NHSL3: variants seen among roughly 807,000 people sequenced by gnomAD.
NHSL3 encodes the protein NHS like 3, also known as NHS-like protein 3.
At chr1:32,743,145 G>T in the NHSL3 span, among the ~76,000 whole-genome samples, 1 of 152,142 alleles carries the variant, frequency 6.6e-6, no homozygotes. Flanking sequence ...CAAGAGGGTG[G>T]AGCTCCCTTG....
the NHSL3 span, among the ~76,000 whole-genome samples, chr1:32,768,489 A>G: frequency 6.6e-6 from 1 of 152,214 alleles, no homozygotes; most frequent in Admixed American, 6.5e-5. Context: ...CAGCTGCTTG[A>G]GAGGCTGAGG....
the NHSL3 span, among the ~76,000 whole-genome samples, chr1:32,753,789 C>T: frequency 6.6e-6 from 1 of 152,214 alleles, no homozygotes; most frequent in Non-Finnish European, 1.5e-5. Context: ...GTGGGCAACC[C>T]GCCTGCCCCA....
the NHSL3 span, among the ~76,000 whole-genome samples, chr1:32,755,342 T>C: frequency 6.6e-6 from 1 of 152,158 alleles, no homozygotes; most frequent in Admixed American, 6.5e-5. Flanking sequence ...GGCCCTGCTG[T>C]GGTGGGAGAA....
chr1:32,772,900 TCACTGG>T, the NHSL3 span: 2 of 1,613,742 alleles, frequency 1.2e-6, no homozygotes, highest in African/African-American at 1.3e-5. Context: ...ACCAGGCACC[TCACTGG>T]CACTGCTGAC....
chr1:32,773,076 T>G, the NHSL3 span: 2 of 617,810 alleles, frequency 3.2e-6, no homozygotes, highest in Non-Finnish European at 5.8e-6. Flanking sequence ...CATCCTGCGC[T>G]CATGCCTTTT....
At chr1:32,768,658 C>T in the NHSL3 span, 27 of 1,614,106 alleles carry the variant, frequency 1.7e-5, no homozygotes, top group East Asian at 1.8e-4. Context: ...ATAGTCCTCC[C>T]GGACGGGGCC....
the NHSL3 span, among the ~76,000 whole-genome samples, chr1:32,759,417 G>A: frequency 6.6e-6 from 1 of 152,200 alleles, no homozygotes; most frequent in Admixed American, 6.5e-5. Context: ...TTGCGCCTTG[G>A]CTGAAAGGGA....
At chr1:32,759,633 T>C in the NHSL3 span, among the ~76,000 whole-genome samples, 3 of 152,096 alleles carry the variant, frequency 2.0e-5, no homozygotes, top group Admixed American at 6.5e-5. Flanking sequence ...CCTGCTGGGG[T>C]GGGGCTGGAC....
chr1:32,772,033 C>A, the NHSL3 span: 1 of 1,604,912 alleles, frequency 6.2e-7, no homozygotes, highest in Admixed American at 1.7e-5. Flanking sequence ...AAGTGCTCAG[C>A]CCAACGGACC....
At chr1:32,771,663 GC>G in the NHSL3 span, 4 of 1,611,438 alleles carry the variant, frequency 2.5e-6, no homozygotes, top group Non-Finnish European at 2.5e-6. Flanking sequence ...TGCAGATTCA[GC>G]CCCCGGGTAG....
the NHSL3 span, among the ~76,000 whole-genome samples, chr1:32,766,845 C>T: frequency 4.6e-5 from 7 of 152,132 alleles, no homozygotes; most frequent in South Asian, 2.1e-4. Context: ...CCTCCACAGG[C>T]GGGGCTTGTA....
At chr1:32,762,747 G>A in the NHSL3 span, among the ~76,000 whole-genome samples, 2 of 151,986 alleles carry the variant, frequency 1.3e-5, no homozygotes, top group East Asian at 1.9e-4. Flanking sequence ...CCGCCACCGC[G>A]CCTTGCTAAT....
chr1:32,758,160 G>C, the NHSL3 span, among the ~76,000 whole-genome samples: 1 of 152,146 alleles, frequency 6.6e-6, no homozygotes, highest in Non-Finnish European at 1.5e-5. Flanking sequence ...TTGGCACTCA[G>C]GGATCCACCC....
chr1:32,772,104 C>G, the NHSL3 span: 1 of 1,613,296 alleles, frequency 6.2e-7, no homozygotes, highest in Non-Finnish European at 8.5e-7. Flanking sequence ...TCATCTTCTC[C>G]AAGGGCTCTA....
chr1:32,773,141 C>T, the NHSL3 span: 1 of 553,052 alleles, frequency 1.8e-6, no homozygotes, highest in Non-Finnish European at 3.2e-6. Context: ...TTAGCCTCAT[C>T]TTGAAGTGGG....
the NHSL3 span, chr1:32,771,232 C>T: frequency 1.2e-6 from 2 of 1,613,170 alleles, no homozygotes; most frequent in East Asian, 2.2e-5. Context: ...CCCAGCTGCC[C>T]CTGCTCTAGC....
At chr1:32,770,104 T>C in the NHSL3 span, 2 of 1,556,942 alleles carry the variant, frequency 1.3e-6, no homozygotes, top group Middle Eastern at 1.7e-4. The surrounding 1 kb of genome is among the most constrained non-coding windows in gnomAD (Gnocchi z 8.3). Flanking sequence ...TGTTGGCCGG[T>C]CCACGGGTAC....
At chr1:32,752,940 CACACACACACATATATAT>C in the NHSL3 span, among the ~76,000 whole-genome samples, 2,644 of 14,398 alleles carry the variant, frequency 0.18, 102 homozygotes, top group Middle Eastern at 0.28. Flanking sequence ...CACACACACA[CACACACACACATATATAT>C]ATATATATAT....
At chr1:32,767,398 G>A in the NHSL3 span, among the ~76,000 whole-genome samples, 1 of 152,020 alleles carries the variant, frequency 6.6e-6, no homozygotes, top group Admixed American at 6.6e-5. Flanking sequence ...GTGCGGGCTG[G>A]GTGTGCTTGG....
Sources: allele counts gnomAD v4.1 joint callset (sites outside exome capture counted in the v4.1 genomes callset), GRCh38; gene constraint gnomAD v4.1.1; non-coding constraint Gnocchi (gnomAD v3.1); transcripts MANE v1.5; gene names NCBI Gene and HGNC (gene_info 2026-07-23, HGNC 2026-07-21).